Variants in TRIO observed in about 807,000 individuals in gnomAD.
The protein encoded by TRIO is triple functional domain protein.
Under a neutral mutation model 351.9 loss-of-function variants are expected in TRIO, and 58 were observed. The observed-to-expected ratio is 0.16, with a 90% CI of 0.13 to 0.21. The LOEUF (loss-of-function observed/expected upper bound fraction) is 0.21. TRIO is among the 10% of genes least tolerant of loss of function. TRIO has a pLI of 1.00. For synonymous variants in TRIO, 1,758 were observed against 1,595.7 expected, an observed-to-expected ratio of 1.10 and a Z score of -2.42; for missense variants, 3,201 against 4,027.8, an observed-to-expected ratio of 0.79 and a Z score of 5.56.
chr5:14,310,882 TG>T (rs1475724177), intron 8 of TRIO, among the ~76,000 whole-genome samples: 4 of 152,176 alleles, frequency 2.6e-5, no homozygotes, highest in Admixed American at 2.0e-4. Flanking sequence ...GACAGGGTTT[TG>T]CCATGTTGGC....
intron 1 of TRIO, among the ~76,000 whole-genome samples, chr5:14,256,628 A>C (rs1270102524): frequency 6.6e-6 from 1 of 152,236 alleles, no homozygotes; most frequent in Non-Finnish European, 1.5e-5. Flanking sequence ...CTTTCATTTT[A>C]GTAGCTGAAA....
In TRIO at chr5:14,497,772, G is replaced by T; in HGVS notation, c.8020-75G>T. The T allele has an allele frequency of 3.2e-6, 5 of 1,581,504 alleles. No individual in the cohort carries two copies. The highest frequency in any genetic ancestry group is 8.7e-7 in the Non-Finnish European group (1 of 1,150,986). On this transcript the variant is annotated intron_variant, in intron 50 of 56. Coordinates refer to ENST00000344204, the MANE Select transcript of TRIO (RefSeq NM_007118.4). This position sits in a 1 kb window ranked among gnomAD's most constrained non-coding sequence, Gnocchi z 4.4. The stretch of plus-strand genomic sequence containing the variant: ...TTCTGCAAATCTTTCAACAATAATT[G>T]TAGCCCTGGAATGAAAGGAATACAC...
At chr5:14,238,503 C>T (rs962130207) in intron 1 of TRIO, among the ~76,000 whole-genome samples, 18 of 152,186 alleles carry the variant, frequency 1.2e-4, no homozygotes, top group African/African-American at 3.1e-4. Flanking sequence ...CTGTGGGCCC[C>T]GTGCACCACC....
intron 28 of TRIO, among the ~76,000 whole-genome samples, chr5:14,396,636 ATT>A (rs1165787196): frequency 2.1e-5 from 3 of 142,602 alleles, no homozygotes; most frequent in African/African-American, 5.1e-5. Flanking sequence ...TGCCCAGCTA[ATT>A]TTTTTTTTTT....
intron 24 of TRIO, 33 bp downstream of exon 24, chr5:14,388,712 T>C (rs781113765): frequency 6.4e-7 from 1 of 1,571,934 alleles, no homozygotes; most frequent in Non-Finnish European, 8.7e-7. Flanking sequence ...TTTTTGCTTG[T>C]TTATTTAGAT....
intron 33 of TRIO, among the ~76,000 whole-genome samples, chr5:14,408,644 T>G (rs1748922199): frequency 6.6e-6 from 1 of 152,168 alleles, no homozygotes; most frequent in African/African-American, 2.4e-5. Flanking sequence ...TATTTTACTT[T>G]TTAATAAAGT....
chr5:14,471,006 A>C (rs1349311756), intron 37 of TRIO, among the ~76,000 whole-genome samples: 1 of 152,242 alleles, frequency 6.6e-6, no homozygotes, highest in Non-Finnish European at 1.5e-5. Context: ...ATGTCCAAAA[A>C]TGGGTGCAGT....
intron 53 of TRIO, among the ~76,000 whole-genome samples, chr5:14,499,760 T>C (rs1021195824): frequency 2.6e-5 from 4 of 151,756 alleles, no homozygotes; most frequent in Admixed American, 6.6e-5. Context: ...TTTAGAAAGG[T>C]ATACTATTCA....
chr5:14,319,419 A>G (rs354920), intron 9 of TRIO, among the ~76,000 whole-genome samples: 6,905 of 152,300 alleles, frequency 0.045, 551 homozygotes, highest in African/African-American at 0.16. Flanking sequence ...TCTGAAACTC[A>G]AGGAATTAAT....
intron 11 of TRIO, among the ~76,000 whole-genome samples, chr5:14,340,397 GAA>G (rs33944910): frequency 1.4e-4 from 18 of 131,488 alleles, no homozygotes; most frequent in South Asian, 1.2e-3. Flanking sequence ...ACTCCGTCTG[GAA>G]AAAAAAAAAA....
intron 1 of TRIO, among the ~76,000 whole-genome samples, chr5:14,220,809 G>A (rs1792569290): frequency 1.3e-5 from 2 of 152,200 alleles, no homozygotes; most frequent in Non-Finnish European, 2.9e-5. Context: ...GAGATTGAAG[G>A]AAGGAAGCCA....
chr5:14,435,632 T>G (rs1311807323), intron 34 of TRIO, among the ~76,000 whole-genome samples: 9 of 152,214 alleles, frequency 5.9e-5, no homozygotes, highest in African/African-American at 2.2e-4. Flanking sequence ...AATTTATCAG[T>G]TGGAATTCTT....
At chr5:14,438,213 T>C (rs564214586) in intron 34 of TRIO, among the ~76,000 whole-genome samples, 33 of 152,234 alleles carry the variant, frequency 2.2e-4, no homozygotes, top group Non-Finnish European at 4.1e-4. Context: ...CTCTCTCCTT[T>C]CTTTGCAAAA....
chr5:14,363,947 C>T lies in TRIO; in HGVS notation c.2587+20C>T, dbSNP rs901493300. The T allele has an allele frequency of 5.6e-6, 9 of 1,598,960 alleles. No individual in the cohort carries two copies. The highest frequency in any genetic ancestry group is 1.7e-4 in the Middle Eastern group (1 of 6,002). On this transcript the variant is annotated intron_variant, in intron 14 of 56. Transcript: ENST00000344204. ...CCTCTGGTAAGAGGGCTCACTCCAT[C>T]TGTGTCCGTTGTGATTTCTTCATGT...
In TRIO at chr5:14,465,417, CA is replaced by C. The variant is rs1234332117; in HGVS notation, c.5668-125del. ...GACTTTAAATAAATGTAAACAAAGA[CA>C]AACTTGTGGTCTTTTTGTCTGGAAT... On this transcript the variant is annotated intron_variant, in intron 36 of 56. Coordinates refer to ENST00000344204, the MANE Select transcript of TRIO (RefSeq NM_007118.4). 39 of 831,034 alleles carry C rather than the reference CA, an allele frequency of 4.7e-5. No individual in the cohort carries two copies. In the African/African-American group the frequency reaches 6.4e-4, roughly 14 times the overall value. 51.5% of individuals were successfully genotyped at this position (831,034 alleles called of 1,614,324 possible). A position where few individuals can be genotyped will look rare whatever the true frequency, so the allele number is the denominator to read the frequency against.
intron 34 of TRIO, among the ~76,000 whole-genome samples, chr5:14,455,677 A>G (rs1193227688): frequency 1.3e-5 from 2 of 151,670 alleles, no homozygotes; most frequent in Non-Finnish European, 2.9e-5. Context: ...ATGTTCTCCA[A>G]CTCCCCACCA....
chr5:14,440,109 A>G (rs1349951527), intron 34 of TRIO, among the ~76,000 whole-genome samples: 1 of 152,212 alleles, frequency 6.6e-6, no homozygotes, highest in Non-Finnish European at 1.5e-5. Flanking sequence ...AACAGCACAA[A>G]TAAAATTGTT....
intron 33 of TRIO, among the ~76,000 whole-genome samples, chr5:14,416,762 G>A (rs773843011): frequency 6.3e-5 from 9 of 142,976 alleles, no homozygotes; most frequent in Non-Finnish European, 1.4e-4. Flanking sequence ...TCCCCCACCC[G>A]CAGCCCATGG....
At chr5:14,404,316 C>G (rs191536692) in intron 31 of TRIO, among the ~76,000 whole-genome samples, 37 of 152,204 alleles carry the variant, frequency 2.4e-4, no homozygotes, top group African/African-American at 8.9e-4. Context: ...TATCCCCTCT[C>G]TTAGCCAGGT....
Sources: allele counts gnomAD v4.1 joint callset (sites outside exome capture counted in the v4.1 genomes callset), GRCh38; gene constraint gnomAD v4.1.1; non-coding constraint Gnocchi (gnomAD v3.1); transcripts MANE v1.5; gene names NCBI Gene and HGNC (gene_info 2026-07-23, HGNC 2026-07-21).